The following KLHL29 variants were observed in gnomAD, a reference collection of about 807,000 sequenced individuals.
KLHL29 encodes the protein kelch-like protein 29.
In KLHL29, 21 loss-of-function variants were observed where a neutral mutation model predicts 80.4. The ratio of observed to expected loss-of-function variants is 0.26; its 90% CI spans 0.19 to 0.38. The LOEUF is 0.38. Ranked by LOEUF, KLHL29 falls within the 10% of genes least tolerant of loss-of-function variation. The pLI is 1.00. For missense variants in KLHL29, 867 were observed against 1,223.9 expected (o/e 0.71, Z 4.35); for synonymous variants, 511 against 526.8 (o/e 0.97, Z 0.41).
At chr2:23,599,664 G>C (rs1290557987) in intron 3 of KLHL29, among the ~76,000 whole-genome samples, 1 of 152,042 alleles carries the variant, frequency 6.6e-6, no homozygotes, top group Non-Finnish European at 1.5e-5. Context: ...GGAAAAGTCA[G>C]AACAAGAAGA....
intron 2 of KLHL29, among the ~76,000 whole-genome samples, chr2:23,515,834 C>T (rs71437491): frequency 0.058 from 8,907 of 152,272 alleles, 255 homozygotes; most frequent in Non-Finnish European, 0.067. Context: ...CAGCCCTCCA[C>T]GGCATCTGAG....
At chr2:23,398,632 C>T (rs574551552) in intron 1 of KLHL29, among the ~76,000 whole-genome samples, 8 of 152,340 alleles carry the variant, frequency 5.3e-5, no homozygotes, top group African/African-American at 1.7e-4. Flanking sequence ...CCGTGTTCTT[C>T]GACATCGCTG....
chr2:23,597,715 G>A (rs1028744946), intron 3 of KLHL29, among the ~76,000 whole-genome samples: 7 of 152,000 alleles, frequency 4.6e-5, no homozygotes, highest in Non-Finnish European at 8.8e-5. Flanking sequence ...ATGAGCCACC[G>A]TGCCCGGCCC....
chr2:23,543,679 C>T (rs138640497), intron 2 of KLHL29, among the ~76,000 whole-genome samples: 4 of 152,318 alleles, frequency 2.6e-5, no homozygotes, highest in East Asian at 3.9e-4. Context: ...GTTTCTGGGA[C>T]GGCTGGAGCT....
intron 2 of KLHL29, among the ~76,000 whole-genome samples, chr2:23,522,585 C>A (rs1317678187): frequency 3.3e-5 from 5 of 151,336 alleles, no homozygotes; most frequent in Non-Finnish European, 7.4e-5. Context: ...AAGCTTTTTG[C>A]AGGTTGGAGA....
At chr2:23,404,718 C>G (rs1056631626) in intron 1 of KLHL29, among the ~76,000 whole-genome samples, 2 of 152,148 alleles carry the variant, frequency 1.3e-5, no homozygotes, top group Non-Finnish European at 2.9e-5. Context: ...TACGTCCTGC[C>G]GAGCCTGTAA....
chr2:23,428,838 G>A (rs78137387), intron 1 of KLHL29, among the ~76,000 whole-genome samples: 96 of 152,282 alleles, frequency 6.3e-4, no homozygotes, highest in African/African-American at 2.2e-3. Context: ...AAAGCCTCCC[G>A]GTACTTCTTT....
At chr2:23,703,039 G>C (rs1032612573) in intron 11 of KLHL29, 147 bp from the exon 12 acceptor site, 1 of 501,010 alleles carries the variant, frequency 2.0e-6, no homozygotes, top group South Asian at 5.9e-5. Flanking sequence ...GTGTCTCATC[G>C]CAGTGCCCCC....
chr2:23,532,155 G>T (rs1184397564), intron 2 of KLHL29, among the ~76,000 whole-genome samples: 1 of 152,230 alleles, frequency 6.6e-6, no homozygotes. Flanking sequence ...ACTCCAAAGA[G>T]TTAACCTTTC....
intron 1 of KLHL29, among the ~76,000 whole-genome samples, chr2:23,439,138 T>C (rs1663434159): frequency 6.6e-6 from 1 of 150,980 alleles, no homozygotes; most frequent in Admixed American, 6.6e-5. Context: ...TTTGTATTTC[T>C]GTGGGATTGG....
At chr2:23,629,556 C>G (rs1428664905) in intron 3 of KLHL29, among the ~76,000 whole-genome samples, 1 of 152,116 alleles carries the variant, frequency 6.6e-6, no homozygotes, top group Non-Finnish European at 1.5e-5. Flanking sequence ...TCCACAAGGC[C>G]CATCCACTGG....
intron 6 of KLHL29, among the ~76,000 whole-genome samples, chr2:23,688,585 C>T (rs1398469225): frequency 6.6e-6 from 1 of 152,098 alleles, no homozygotes; most frequent in Non-Finnish European, 1.5e-5. Context: ...CGGACTCTGG[C>T]CTCTCCTGGG....
intron 1 of KLHL29, among the ~76,000 whole-genome samples, chr2:23,441,970 C>T (rs971106611): frequency 2.0e-5 from 3 of 152,104 alleles, no homozygotes; most frequent in Non-Finnish European, 4.4e-5. Flanking sequence ...ATGTCCTAAT[C>T]GCAGAAAACT....
chr2:23,513,165 G>A (rs1271909859), intron 2 of KLHL29, among the ~76,000 whole-genome samples: 1 of 152,248 alleles, frequency 6.6e-6, no homozygotes, highest in African/African-American at 2.4e-5. Flanking sequence ...AAGTCATGGG[G>A]AAATGTTAAA....
At chr2:23,526,250 A>G (rs1019069605) in intron 2 of KLHL29, among the ~76,000 whole-genome samples, 2 of 151,566 alleles carry the variant, frequency 1.3e-5, no homozygotes, top group African/African-American at 4.8e-5. Context: ...CAGCGCATGC[A>G]GTTCAGAGGA....
intron 1 of KLHL29, among the ~76,000 whole-genome samples, chr2:23,421,895 CTG>C (rs1662822004): frequency 6.6e-6 from 1 of 151,258 alleles, no homozygotes; most frequent in Non-Finnish European, 1.5e-5. Context: ...ATCTGTGTGT[CTG>C]TGTTTGTGTC....
At chr2:23,569,309 G>A (rs190315695) in intron 3 of KLHL29, among the ~76,000 whole-genome samples, 107 of 152,284 alleles carry the variant, frequency 7.0e-4, no homozygotes, top group Admixed American at 3.5e-3. Context: ...TGCAGTATTC[G>A]GTAACCACAG....
chr2:23,553,891 G>A (rs569732294), intron 2 of KLHL29, among the ~76,000 whole-genome samples: 1 of 152,374 alleles, frequency 6.6e-6, no homozygotes, highest in South Asian at 2.1e-4. Flanking sequence ...CTCACACAGG[G>A]AGTAGAACAT....
rs1672798827 is a variant in KLHL29, at chr2:23,707,373, C to G, written c.*709C>G. 1 of 152,140 alleles carries G rather than the reference C, an allele frequency of 6.6e-6. No individual in the cohort carries two copies. Among genetic ancestry groups the G allele is most frequent in the Admixed American group, 6.5e-5 (1 of 15,276 alleles). The allele number at this position is 152,140 out of a possible 1,614,324, so 9.4% of individuals were successfully genotyped here. ...GTATGAATTATTTAGATTTCTGAGG[C>G]ATTTTCTTGATAAACAAAAGGCTAT... On this transcript the variant is annotated 3_prime_UTR_variant, in exon 14 of 14. Transcript: ENST00000486442.
Sources: gnomAD v4.1 joint callset for allele counts (sites outside exome capture counted in the v4.1 genomes callset) on GRCh38, gnomAD v4.1.1 for gene constraint, MANE v1.5 for transcripts, NCBI Gene and HGNC (gene_info 2026-07-23, HGNC 2026-07-21) for gene names.